The following SLC39A12 variants were observed in gnomAD, a reference collection of about 807,000 sequenced individuals.
The protein encoded by SLC39A12 is zinc transporter ZIP12.
SLC39A12 carries 63 observed loss-of-function variants against 71.1 expected under a neutral mutation model. The ratio of observed to expected loss-of-function variants is 0.89; its 90% CI spans 0.72 to 1.09. The LOEUF (loss-of-function observed/expected upper bound fraction) is 1.09. Ranked by LOEUF, SLC39A12 falls within the 50% of genes least tolerant of loss-of-function variation. SLC39A12 has a pLI of 0.00. For synonymous variants in SLC39A12, 351 were observed against 301.3 expected (o/e 1.16, Z -1.71); for missense variants, 892 against 812.6 (o/e 1.10, Z -1.19).
chr10:17,957,387 C>A (rs1834578329), intron 2 of SLC39A12, among the ~76,000 whole-genome samples: 1 of 152,172 alleles, frequency 6.6e-6, no homozygotes, highest in African/African-American at 2.4e-5. Flanking sequence ...TCAGTCTTTT[C>A]CCAAAGTTTA....
At chr10:17,990,967 T>C (rs927835163) in intron 7 of SLC39A12, among the ~76,000 whole-genome samples, 184 bp from the exon 8 acceptor site, 10 of 152,224 alleles carry the variant, frequency 6.6e-5, no homozygotes, top group Admixed American at 1.3e-4. Context: ...TTGAAGTGTA[T>C]AGTGGAAGCA....
intron 12 of SLC39A12, among the ~76,000 whole-genome samples, chr10:18,027,687 G>T (rs1165874845): frequency 6.6e-6 from 1 of 152,240 alleles, no homozygotes; most frequent in Non-Finnish European, 1.5e-5. Flanking sequence ...GATTGTCTGA[G>T]TCTACCTGCT....
chr10:17,982,675 G>C (rs1004512470), intron 6 of SLC39A12, among the ~76,000 whole-genome samples: 15 of 152,140 alleles, frequency 9.9e-5, no homozygotes, highest in African/African-American at 2.7e-4. Context: ...ATTCAGTGAG[G>C]CTCAGAAAAT....
chr10:18,029,662 A>T (rs916583428), intron 12 of SLC39A12, among the ~76,000 whole-genome samples: 1 of 151,652 alleles, frequency 6.6e-6, no homozygotes, highest in African/African-American at 2.4e-5. Context: ...CCCCTCCTCT[A>T]CTCTTAGAGT....
In SLC39A12 at chr10:17,978,345, CAT is replaced by C. The variant is rs146442944; in HGVS notation, c.924+274_924+275del. ...TTGAGTGAATTAATAATTCAGAAAA[CAT>C]ATTGAGCATTTTATGCACACCGCTA... On this transcript the variant is annotated intron_variant, in intron 5 of 12. Transcript: ENST00000377369. Among the ~76,000 whole-genome samples the C allele has an allele frequency of 4.7e-3, 715 of 152,210 alleles. 5 individuals carry two copies. The highest frequency in any genetic ancestry group is 0.017 in the African/African-American group (692 of 41,536).
At chr10:17,987,713 G>A in intron 7 of SLC39A12, 62 bp downstream of exon 7, 1 of 1,567,238 alleles carries the variant, frequency 6.4e-7, no homozygotes, top group Admixed American at 1.8e-5. Flanking sequence ...TTTAACCACT[G>A]GAGGTATTTA....
Position 18,036,790 on chromosome 10 carries a change from A to AT in SLC39A12, c.1948-5914dup, listed in dbSNP as rs1464293480. Among the ~76,000 whole-genome samples the AT allele has an allele frequency of 1.3e-3, 88 of 69,136 alleles. 1 individual carries two copies. The highest frequency in any genetic ancestry group is 2.4e-3 in the South Asian group (4 of 1,646). The allele number at this position is 69,136 out of a possible 152,430, so 45.4% of individuals were successfully genotyped here. On this transcript the variant is annotated intron_variant, in intron 12 of 12. Coordinates refer to ENST00000377369, the MANE Select transcript of SLC39A12 (RefSeq NM_001145195.2). The stretch of plus-strand genomic sequence containing the variant: ...TATATATATATATATATATATATAT[A>AT]TATATTTTTTTTTTTAATGGAATCT...
At chr10:18,015,643 TA>T (rs11292244) in intron 12 of SLC39A12, among the ~76,000 whole-genome samples, 111,991 of 151,834 alleles carry the variant, frequency 0.74, 41,916 homozygotes, top group African/African-American at 0.84. Flanking sequence ...TTTTTATTTT[TA>T]AAAAAATTTT....
chr10:17,958,231 A>T (rs2130773631), intron 2 of SLC39A12, among the ~76,000 whole-genome samples: 1 of 152,242 alleles, frequency 6.6e-6, no homozygotes, highest in South Asian at 2.1e-4. Flanking sequence ...ATGGGTTGAA[A>T]TATGGTCACA....
At chr10:17,996,627 A>G (rs1274375872) in intron 10 of SLC39A12, among the ~76,000 whole-genome samples, 5 of 152,234 alleles carry the variant, frequency 3.3e-5, no homozygotes, top group African/African-American at 7.2e-5. Flanking sequence ...ACAAATGAAG[A>G]AAATAGTTGT....
At chr10:17,999,068 G>C (rs557515242) in intron 10 of SLC39A12, among the ~76,000 whole-genome samples, 1 of 151,940 alleles carries the variant, frequency 6.6e-6, no homozygotes, top group Admixed American at 6.6e-5. Flanking sequence ...AGGCCGAGGC[G>C]GGTGGATCAC....
At chr10:18,023,601 C>G (rs1836594371) in intron 12 of SLC39A12, among the ~76,000 whole-genome samples, 1 of 152,124 alleles carries the variant, frequency 6.6e-6, no homozygotes, top group African/African-American at 2.4e-5. Context: ...GAGGCCCTGC[C>G]TGGTAAAGAG....
intron 12 of SLC39A12, among the ~76,000 whole-genome samples, chr10:18,031,203 G>T (rs1836838537): frequency 6.8e-6 from 1 of 146,934 alleles, no homozygotes; most frequent in Non-Finnish European, 1.5e-5. Flanking sequence ...TCTAGTTCTA[G>T]ATCCCTGAGG....
intron 12 of SLC39A12, among the ~76,000 whole-genome samples, chr10:18,029,270 G>A (rs1836769509): frequency 6.6e-6 from 1 of 152,166 alleles, no homozygotes; most frequent in South Asian, 2.1e-4. Flanking sequence ...AACTTGCGAG[G>A]ACCATTCTCT....
chr10:17,984,513 C>T (rs1486709371), intron 6 of SLC39A12, among the ~76,000 whole-genome samples: 2 of 152,152 alleles, frequency 1.3e-5, no homozygotes, highest in East Asian at 3.8e-4. Flanking sequence ...TCCAGGTGCT[C>T]ATGTTACTAT....
At chr10:17,994,795 T>A (rs1184099136) in intron 9 of SLC39A12, among the ~76,000 whole-genome samples, 2 of 152,202 alleles carry the variant, frequency 1.3e-5, no homozygotes, top group Admixed American at 6.5e-5. Context: ...TGTGTAAAAT[T>A]TACTTTCTCT....
chr10:17,961,641 G>A lies in SLC39A12; in HGVS notation c.322G>A (p.Glu108Lys). 2 of 1,614,000 alleles carry A rather than the reference G, an allele frequency of 1.2e-6. No individual in the cohort carries two copies. Among genetic ancestry groups the A allele is most frequent in the Non-Finnish European group, 1.7e-6 (2 of 1,179,876 alleles). ...AGGNFEDQLR[E>K]EVVQRVSLLL... ...AGGAAATTTTGAAGATCAGCTTAGA[G>A]AAGAAGTGGTCCAGAGAGTTTCTCT... is the stretch of plus-strand genomic sequence containing the variant. The change falls in exon 3 of 13, where the codon GAA becomes AAA. Residue 108 changes from glutamate (E) to lysine (K), a missense_variant. By Grantham distance (56) the Glu-to-Lys change is moderately conservative. Transcript: ENST00000377369.
chr10:17,965,165 C>G (rs1193327763), intron 3 of SLC39A12, among the ~76,000 whole-genome samples: 1 of 151,766 alleles, frequency 6.6e-6, no homozygotes, highest in Non-Finnish European at 1.5e-5. Context: ...CAAAATCGTG[C>G]CACTTTACTC....
intron 10 of SLC39A12, among the ~76,000 whole-genome samples, chr10:17,997,081 AT>A (rs1291217707): frequency 1.3e-5 from 2 of 152,010 alleles, no homozygotes; most frequent in African/African-American, 4.8e-5. Flanking sequence ...TGCACCAACA[AT>A]TTTTTTGTGA....
Sources: allele counts gnomAD v4.1 joint callset (sites outside exome capture counted in the v4.1 genomes callset), GRCh38; gene constraint gnomAD v4.1.1; transcripts MANE v1.5; gene names NCBI Gene and HGNC (gene_info 2026-07-23, HGNC 2026-07-21).